Variants in CENPL observed in about 807,000 individuals in gnomAD.
CENPL encodes centromere protein L, also known as interphase centromere complex protein 33.
A neutral mutation model predicts 35.2 loss-of-function variants in CENPL; 20 were observed. That is an observed-to-expected ratio of 0.57 (90% confidence interval 0.40 to 0.83). The LOEUF (loss-of-function observed/expected upper bound fraction) is 0.83. Among genes scored for constraint, CENPL ranks in the 40% least tolerant of loss-of-function variants. CENPL has a pLI of 0.00. For synonymous variants in CENPL, 140 were observed against 140.6 expected (o/e 1.00, Z 0.03); for missense variants, 363 against 395.8 (o/e 0.92, Z 0.70).
rs376379173 is a variant in CENPL, at chr1:173,811,245, C to A, written c.55G>T (p.Asp19Tyr). The A allele has an allele frequency of 4.3e-5, 70 of 1,613,310 alleles. 1 individual carries two copies. Among genetic ancestry groups the A allele is most frequent in the Non-Finnish European group, 5.5e-5 (65 of 1,179,390 alleles). Reference protein sequence around the residue: ...STPSASSRPEDYFIGATPLQK... With the variant: ...STPSASSRPEYYFIGATPLQK... ...AGAGGAGTGGCACCTATAAAGTAAT[C>A]TTCAGGTCTTGAGGATGCACTAGGA... is the stretch of plus-strand genomic sequence containing the variant. The change falls in exon 3 of 6, where the codon GAT becomes TAT. Residue 19 changes from aspartate to tyrosine, a missense_variant. Coordinates refer to ENST00000682279, the MANE Select transcript of CENPL (RefSeq NM_001387287.1).
chr1:173,803,020 T>C lies in CENPL; in HGVS notation c.906A>G (p.Thr302=). The C allele has an allele frequency of 1.2e-6, 2 of 1,613,902 alleles. No homozygotes were observed. Among genetic ancestry groups the C allele is most frequent in the East Asian group, 4.5e-5 (2 of 44,886 alleles). ...CAGATGTTGAAACACGAACTAATCT[T>C]GTGGCTGATAAATGAATTTTGAAAT... ...HRHFKIHLSA[T]RLVRVSTSVA... Residue 302 remains threonine, a synonymous_variant, in exon 5 of 6, where the codon ACA becomes ACG. Transcript: ENST00000682279.
At chr1:173,800,542 A>T in intron 5 of CENPL, 23 bp from the exon 6 acceptor site, 1 of 1,005,974 alleles carries the variant, frequency 9.9e-7, no homozygotes, top group Non-Finnish European at 1.6e-6. Flanking sequence ...AAAGAAGGAG[A>T]CATTTAAAAT....
At chr1:173,812,406 C>A (rs1213869186) in intron 2 of CENPL, among the ~76,000 whole-genome samples, 2 of 152,212 alleles carry the variant, frequency 1.3e-5, no homozygotes, top group Non-Finnish European at 2.9e-5. Flanking sequence ...TTGGGAGACA[C>A]CTCCCAGTAG....
Position 173,803,449 on chromosome 1 carries a change from A to G in CENPL, c.477T>C (p.Thr159=), listed in dbSNP as rs759780322. The change falls in exon 5 of 6, where the codon ACT becomes ACC. Residue 159 remains threonine, a synonymous_variant. Coordinates refer to ENST00000682279, the MANE Select transcript of CENPL (RefSeq NM_001387287.1). ...CTCCAAATACACAGCAGAACCAGCC[A>G]GTCCACAGCACTTTACCTTCTCTAT... is the stretch of plus-strand genomic sequence containing the variant. The part of the protein sequence containing the change: ...SENREGKVLW[T]GWFCCVFGDS... 8.7e-6 allele frequency: 14 copies of G among 1,612,452 alleles called. No individual in the cohort carries two copies. The highest frequency in any genetic ancestry group is 1.2e-5 in the Non-Finnish European group (14 of 1,178,696).
At chr1:173,822,408 G>A (rs547989987) in intron 2 of CENPL, 6 of 151,810 alleles carry the variant, frequency 4.0e-5, no homozygotes, top group Admixed American at 3.9e-4. Context: ...CCAATAGTAG[G>A]TGGCCCCAGA....
Position 173,800,536 on chromosome 1 carries a change from AAGG to A in CENPL, c.964-20_964-18del, listed in dbSNP as rs775537106. ...ACACAGAATCTGCAAAAAGAAAAAG[AAGG>A]AGACATTTAAAATTAGAATAGTATT... is the stretch of plus-strand genomic sequence containing the variant. On this transcript the variant is annotated intron_variant, in intron 5 of 5. Transcript: ENST00000682279. 24 of 1,063,080 alleles carry A rather than the reference AAGG, an allele frequency of 2.3e-5. No individual in the cohort carries two copies. The African/African-American group carries it at 5.5e-4, about 25-fold the overall frequency. The allele number at this position is 1,063,080 out of a possible 1,614,324, so 65.9% of individuals were successfully genotyped here.
rs919716406 is a variant in CENPL, at chr1:173,810,999, GTTTC to G, written c.168+129_168+132del. On this transcript the variant is annotated intron_variant, in intron 3 of 5. Coordinates refer to ENST00000682279, the MANE Select transcript of CENPL (RefSeq NM_001387287.1). Reference sequence around the variant, plus strand: ...AGGTAGCACTGATCGTTATGAAATTGTTTCTTTCTCATTTATTTTATTAGCTGAG... The same window carrying G: ...AGGTAGCACTGATCGTTATGAAATTGTTTCTCATTTATTTTATTAGCTGAG... The G allele has an allele frequency of 2.8e-5, 20 of 713,266 alleles. No individual in the cohort carries two copies. The South Asian group carries it at 3.5e-4, about 12-fold the overall frequency. 44.2% of individuals were successfully genotyped at this position (713,266 alleles called of 1,614,324 possible). A position where few individuals can be genotyped will look rare whatever the true frequency, so the allele number is the denominator to read the frequency against.
intron 2 of CENPL, among the ~76,000 whole-genome samples, chr1:173,814,269 A>G (rs887088806): frequency 1.3e-5 from 2 of 152,154 alleles, no homozygotes; most frequent in Non-Finnish European, 2.9e-5. Flanking sequence ...TATTAGACAG[A>G]TCAACGAGAC....
intron 3 of CENPL, among the ~76,000 whole-genome samples, chr1:173,809,948 G>A (rs1363848902): frequency 2.6e-5 from 4 of 152,196 alleles, no homozygotes; most frequent in African/African-American, 7.2e-5. Flanking sequence ...GGAAGACTGT[G>A]TGGCAATTCC....
At chr1:173,818,991 T>G (rs1651678753) in intron 2 of CENPL, among the ~76,000 whole-genome samples, 1 of 152,100 alleles carries the variant, frequency 6.6e-6, no homozygotes, top group Non-Finnish European at 1.5e-5. Flanking sequence ...TCCCAACACT[T>G]TGGGAGGCTG....
chr1:173,805,783 T>G (rs1264650171), intron 4 of CENPL, among the ~76,000 whole-genome samples: 1 of 152,136 alleles, frequency 6.6e-6, no homozygotes, highest in Admixed American at 6.6e-5. Context: ...AGAAAGAGCC[T>G]AGATTATTAA....
chr1:173,807,274 A>G lies in CENPL; in HGVS notation c.413T>C (p.Leu138Pro). 1 of 1,604,990 alleles carries G rather than the reference A, an allele frequency of 6.2e-7. No homozygotes were observed. The highest frequency in any genetic ancestry group is 8.5e-7 in the Non-Finnish European group (1 of 1,174,342). The change falls in exon 4 of 6, where the codon CTT (leucine) becomes CCT (proline). Residue 138 changes from leucine to proline, a missense_variant. Coordinates refer to ENST00000682279, the MANE Select transcript of CENPL (RefSeq NM_001387287.1). Reference sequence around the variant, plus strand: ...ACTGTTTATGTATTATACCTGGACAAGAAATGCTTCCGGGTCCCTTTGTGT... The same window carrying G: ...ACTGTTTATGTATTATACCTGGACAGGAAATGCTTCCGGGTCCCTTTGTGT... ...KGTQRDPEAF[L>P]VQIVSKSQLP...
At chr1:173,823,299 G>A (rs1008820612) in intron 2 of CENPL, 7 of 151,870 alleles carry the variant, frequency 4.6e-5, no homozygotes, top group Non-Finnish European at 1.0e-4. Context: ...ATCCTATCCA[G>A]GTTCATTTTC....
intron 3 of CENPL, 141 bp from the exon 4 acceptor site, chr1:173,807,659 T>C: frequency 1.6e-6 from 1 of 616,452 alleles, no homozygotes; most frequent in Non-Finnish European, 2.7e-6. Context: ...TGCAGGACTT[T>C]TTGCAGATCC....
chr1:173,817,763 C>T (rs902262777), intron 2 of CENPL, among the ~76,000 whole-genome samples: 20 of 152,126 alleles, frequency 1.3e-4, no homozygotes, highest in African/African-American at 4.3e-4. Context: ...CCCAAATGTC[C>T]ACAATGATAG....
chr1:173,822,386 T>G (rs1193022873), intron 2 of CENPL: 1 of 152,218 alleles, frequency 6.6e-6, no homozygotes, highest in Non-Finnish European at 1.5e-5. Context: ...ATTCTTTTTT[T>G]TTCCTCATGT....
intron 2 of CENPL, among the ~76,000 whole-genome samples, chr1:173,812,974 A>G (rs1420884813): frequency 6.6e-6 from 1 of 152,178 alleles, no homozygotes. Context: ...GTAGAGAAGA[A>G]CTTAAATGAC....
At chr1:173,821,058 C>G (rs774351560) in intron 2 of CENPL, among the ~76,000 whole-genome samples, 5 of 152,166 alleles carry the variant, frequency 3.3e-5, no homozygotes, top group Non-Finnish European at 7.3e-5. Flanking sequence ...ATTGAATTAC[C>G]TATTTCAAAG....
chr1:173,818,828 G>A (rs1187750163), intron 2 of CENPL, among the ~76,000 whole-genome samples: 2 of 152,130 alleles, frequency 1.3e-5, no homozygotes, highest in African/African-American at 4.8e-5. Context: ...CTAAGCTACT[G>A]TCACTGAAAC....
Sources: gnomAD v4.1 joint callset for allele counts (sites outside exome capture counted in the v4.1 genomes callset) on GRCh38, gnomAD v4.1.1 for gene constraint, MANE v1.5 for transcripts, NCBI Gene and HGNC (gene_info 2026-07-23, HGNC 2026-07-21) for gene names.